Variants in GRHL2 observed in about 807,000 individuals in gnomAD.
GRHL2 encodes the protein grainyhead like transcription factor 2, also known as grainyhead-like protein 2 homolog.
GRHL2 carries 21 observed loss-of-function variants against 83.8 expected under a neutral mutation model. The ratio of observed to expected loss-of-function variants is 0.25; its 90% CI spans 0.18 to 0.36. The LOEUF is 0.36. Ranked by LOEUF, GRHL2 falls within the 10% of genes least tolerant of loss-of-function variation. The pLI is 1.00. For synonymous variants in GRHL2, 280 were observed against 278.9 expected (o/e 1.00, Z -0.04); for missense variants, 623 against 781.8 (o/e 0.80, Z 2.42).
chr8:101,635,088 TCA>T (rs1813259966), intron 11 of GRHL2, among the ~76,000 whole-genome samples: 1 of 152,144 alleles, frequency 6.6e-6, no homozygotes, highest in Non-Finnish European at 1.5e-5. Flanking sequence ...GACTCCTCTC[TCA>T]CACACTCAAA....
intron 7 of GRHL2, among the ~76,000 whole-genome samples, chr8:101,591,946 T>C (rs1456882084): frequency 1.3e-5 from 2 of 152,108 alleles, no homozygotes; most frequent in Non-Finnish European, 2.9e-5. Flanking sequence ...GGTGCTTGAA[T>C]CTTACTGTGC....
intron 15 of GRHL2, among the ~76,000 whole-genome samples, chr8:101,666,244 G>A (rs1342222044): frequency 6.6e-6 from 1 of 152,166 alleles, no homozygotes; most frequent in East Asian, 1.9e-4. Flanking sequence ...TTACTGAAAA[G>A]AGTTAGAGAG....
chr8:101,597,957 A>G (rs907260777), intron 7 of GRHL2, among the ~76,000 whole-genome samples: 2 of 152,202 alleles, frequency 1.3e-5, no homozygotes, highest in African/African-American at 4.8e-5. Flanking sequence ...CTGATAAATA[A>G]TGAATACATT....
At position 101,492,456 on chromosome 8, in the gene GRHL2, C is replaced by G; in HGVS notation, c.-314C>G. On this transcript the variant is annotated 5_prime_UTR_variant, in exon 1 of 16. Transcript: ENST00000646743. Reference sequence around the variant, plus strand: ...CTCCTTGCGAGAAAGTTACCTGTGGCCGCCCAAGTCCGCCACTTTCTGCTC... The same window carrying G: ...CTCCTTGCGAGAAAGTTACCTGTGGGCGCCCAAGTCCGCCACTTTCTGCTC... The G allele has an allele frequency of 3.9e-6, 2 of 511,936 alleles. No individual in the cohort carries two copies. Among genetic ancestry groups the G allele is most frequent in the Non-Finnish European group, 7.1e-6 (2 of 281,996 alleles). The allele number at this position is 511,936 out of a possible 1,614,324, so 31.7% of individuals were successfully genotyped here.
intron 8 of GRHL2, among the ~76,000 whole-genome samples, chr8:101,602,882 C>T (rs1181730166): frequency 6.6e-6 from 1 of 152,172 alleles, no homozygotes; most frequent in Non-Finnish European, 1.5e-5. Context: ...CTTTCTGCCC[C>T]GGAGCTCAGA....
At chr8:101,604,117 A>G (rs1812577991) in intron 8 of GRHL2, among the ~76,000 whole-genome samples, 1 of 151,466 alleles carries the variant, frequency 6.6e-6, no homozygotes, top group South Asian at 2.1e-4. Context: ...TCCCATCCAT[A>G]TGATCCCAAT....
At position 101,666,902 on chromosome 8, in the gene GRHL2, T is replaced by C. The variant is rs117031739; in HGVS notation, c.*199T>C. On this transcript the variant is annotated 3_prime_UTR_variant, in exon 16 of 16. Coordinates refer to ENST00000646743, the MANE Select transcript of GRHL2 (RefSeq NM_024915.4). Reference sequence around the variant, plus strand: ...CATCCACTGGCACCTACCACGGAGCTGAAGCCTGAGCCCCTCAGGAAGGTG... The same window carrying C: ...CATCCACTGGCACCTACCACGGAGCCGAAGCCTGAGCCCCTCAGGAAGGTG... 4.9e-3 allele frequency: 3,128 copies of C among 638,122 alleles called. 43 individuals are homozygous for C. The East Asian group carries it at 0.05, about 10-fold the overall frequency. The allele number at this position is 638,122 out of a possible 1,614,324, so 39.5% of individuals were successfully genotyped here.
At position 101,636,684 on chromosome 8, in the gene GRHL2, T is replaced by C. The variant is rs113897997; in HGVS notation, c.1486-213T>C. 1,340 of 578,692 alleles carry C rather than the reference T, an allele frequency of 2.3e-3. 11 individuals are homozygous for C. The highest frequency in any genetic ancestry group is 0.02 in the African/African-American group (1,082 of 53,282). 35.8% of individuals were successfully genotyped at this position (578,692 alleles called of 1,614,324 possible). Reference sequence around the variant, plus strand: ...TATTAAAATCTAGGAATTAACCCCATGGAGATTATAAGGAACTTAAATATG... The same window carrying C: ...TATTAAAATCTAGGAATTAACCCCACGGAGATTATAAGGAACTTAAATATG... On this transcript the variant is annotated intron_variant, in intron 11 of 15. Transcript: ENST00000646743.
At chr8:101,505,042 A>T (rs1810309906) in intron 1 of GRHL2, among the ~76,000 whole-genome samples, 1 of 152,028 alleles carries the variant, frequency 6.6e-6, no homozygotes, top group Non-Finnish European at 1.5e-5. Context: ...GAACTTTTGT[A>T]AAATGTGAGC....
intron 1 of GRHL2, among the ~76,000 whole-genome samples, chr8:101,514,952 C>T (rs1198199310): frequency 6.7e-6 from 1 of 149,672 alleles, no homozygotes; most frequent in Non-Finnish European, 1.5e-5. Flanking sequence ...TCTTCCTTTC[C>T]TTTCCTTTCT....
At chr8:101,604,267 G>A (rs996320699) in intron 8 of GRHL2, among the ~76,000 whole-genome samples, 14 of 151,976 alleles carry the variant, frequency 9.2e-5, no homozygotes, top group African/African-American at 2.9e-4. Flanking sequence ...GAATTCCCAC[G>A]CAAGACCCTA....
At chr8:101,596,493 A>G (rs1812394327) in intron 7 of GRHL2, among the ~76,000 whole-genome samples, 1 of 152,256 alleles carries the variant, frequency 6.6e-6, no homozygotes, top group Non-Finnish European at 1.5e-5. Flanking sequence ...TAATTAAAAC[A>G]TTATTTGAAA....
chr8:101,492,935 C>G, intron 1 of GRHL2, 146 bp downstream of exon 1: 1 of 763,976 alleles, frequency 1.3e-6, no homozygotes, highest in Non-Finnish European at 2.3e-6. Flanking sequence ...CAGACTTTTC[C>G]GCATTATGTT....
rs538770546 is a variant in GRHL2 at position 101,656,618 on chromosome 8, C to T, written c.1698+7119C>T. On this transcript the variant is annotated intron_variant, in intron 14 of 15. Transcript: ENST00000646743. Reference sequence around the variant, plus strand: ...AGAAGTAGTCTGTGTGGTGTTGATCCCATGTAGTCAGACAGCTGAGCTGGG... The same window carrying T: ...AGAAGTAGTCTGTGTGGTGTTGATCTCATGTAGTCAGACAGCTGAGCTGGG... Among the ~76,000 whole-genome samples the T allele has an allele frequency of 7.9e-5, 12 of 152,156 alleles. No homozygotes were observed. In the South Asian group the frequency reaches 2.5e-3, roughly 32 times the overall value.
intron 4 of GRHL2, among the ~76,000 whole-genome samples, chr8:101,569,071 G>A (rs1811770944): frequency 6.6e-6 from 1 of 152,172 alleles, no homozygotes; most frequent in Non-Finnish European, 1.5e-5. Context: ...AGAAATGAGA[G>A]GCAGGAAGGT....
intron 1 of GRHL2, among the ~76,000 whole-genome samples, chr8:101,535,787 G>T (rs1009728436): frequency 5.9e-5 from 9 of 152,118 alleles, no homozygotes; most frequent in African/African-American, 2.2e-4. Context: ...TGATCCACCC[G>T]CCTTGGCCTC....
intron 1 of GRHL2, among the ~76,000 whole-genome samples, chr8:101,501,918 CA>C (rs1586396269): frequency 6.6e-6 from 1 of 151,518 alleles, no homozygotes; most frequent in African/African-American, 2.4e-5. Context: ...GCAAGATTAG[CA>C]CTGCATGTTT....
At chr8:101,678,819 A>T in the GRHL2 span, among the ~76,000 whole-genome samples, 11 of 151,694 alleles carry the variant, frequency 7.3e-5, 1 homozygote, top group Admixed American at 5.3e-4. Context: ...GGGCACACTG[A>T]CACCTCACAT....
chr8:101,593,692 C>T (rs1436469136), intron 7 of GRHL2, among the ~76,000 whole-genome samples: 6 of 152,020 alleles, frequency 3.9e-5, no homozygotes, highest in Admixed American at 1.3e-4. Flanking sequence ...AAGATCTTTG[C>T]AGATTGTGAT....
Sources: gnomAD v4.1 joint callset for allele counts (sites outside exome capture counted in the v4.1 genomes callset) on GRCh38, gnomAD v4.1.1 for gene constraint, MANE v1.5 for transcripts, NCBI Gene and HGNC (gene_info 2026-07-23, HGNC 2026-07-21) for gene names.